The following ZNF638 variants were observed in gnomAD, a reference collection of about 807,000 sequenced individuals.
ZNF638 encodes CTCL tumor antigen se33-1.
In ZNF638, 46 loss-of-function variants were observed where a neutral mutation model predicts 195.6. The observed-to-expected ratio is 0.24, with a 90% CI of 0.19 to 0.30. The LOEUF (loss-of-function observed/expected upper bound fraction) is 0.30. Among genes scored for constraint, ZNF638 ranks in the 10% least tolerant of loss-of-function variants. The pLI, the probability that ZNF638 is intolerant of heterozygous loss-of-function variation, is 1.00. For missense variants in ZNF638, 2,440 were observed against 2,325.3 expected (o/e 1.05, Z -1.01); for synonymous variants, 845 against 772.0 (o/e 1.09, Z -1.57).
At chr2:71,350,923 T>C (rs1018496129) in intron 2 of ZNF638, among the ~76,000 whole-genome samples, 4 of 152,142 alleles carry the variant, frequency 2.6e-5, no homozygotes, top group Admixed American at 1.3e-4. Flanking sequence ...AAAGATGATT[T>C]AGGTAGTTTG....
At chr2:71,361,151 C>CA (rs761311267) in intron 3 of ZNF638, among the ~76,000 whole-genome samples, 2 of 152,098 alleles carry the variant, frequency 1.3e-5, no homozygotes, top group Non-Finnish European at 2.9e-5. Context: ...TTGGTAGAGA[C>CA]AGGGTTGCCA....
At chr2:71,369,322 C>CA (rs34506232) in intron 7 of ZNF638, among the ~76,000 whole-genome samples, 5,334 of 98,928 alleles carry the variant, frequency 0.054, 583 homozygotes, top group East Asian at 0.53. Flanking sequence ...GGCTCCGTCT[C>CA]AAAAAAAAAA....
At chr2:71,363,231 T>TCTTTTAAAATTAACTGTTTA in intron 4 of ZNF638, 40 bp downstream of exon 4, 1 of 1,418,112 alleles carries the variant, frequency 7.1e-7, no homozygotes. Context: ...AACCTGATTG[T>TCTTTTAAAATTAACTGTTTA]CTTTTAAAAG....
intron 10 of ZNF638, among the ~76,000 whole-genome samples, chr2:71,383,577 TTTTTC>T (rs2079573441): frequency 6.8e-6 from 1 of 146,172 alleles, no homozygotes; most frequent in South Asian, 2.2e-4. Context: ...TTTTTTTTTT[TTTTTC>T]TTCTTTTATT....
chr2:71,408,660 C>T (rs1274156357), intron 20 of ZNF638: 2 of 363,348 alleles, frequency 5.5e-6, no homozygotes, highest in African/African-American at 4.4e-5. Context: ...TAAGATTTCA[C>T]AGGTTCTTGG....
intron 1 of ZNF638, among the ~76,000 whole-genome samples, chr2:71,334,230 CA>C (rs921800711): frequency 1.8e-4 from 27 of 152,166 alleles, no homozygotes; most frequent in Non-Finnish European, 3.4e-4. Flanking sequence ...ATGCTCTTTC[CA>C]CTGTACCTTA....
chr2:71,405,392 TA>T (rs1168338811), intron 17 of ZNF638, among the ~76,000 whole-genome samples: 1 of 152,220 alleles, frequency 6.6e-6, no homozygotes, highest in African/African-American at 2.4e-5. Context: ...CTTAGGGGAA[TA>T]AGAAGAATTA....
At chr2:71,429,305 AC>A (rs2080606782) in intron 25 of ZNF638, among the ~76,000 whole-genome samples, 1 of 152,118 alleles carries the variant, frequency 6.6e-6, no homozygotes, top group African/African-American at 2.4e-5. Flanking sequence ...AGGAAAACTT[AC>A]CAAGTATGAT....
chr2:71,341,640 A>G (rs1438860045), intron 1 of ZNF638: 2 of 152,222 alleles, frequency 1.3e-5, no homozygotes, highest in South Asian at 2.1e-4. Context: ...GGTTAATGCT[A>G]CTTAATTGCA....
At chr2:71,360,622 A>AT (rs368045252) in intron 3 of ZNF638, among the ~76,000 whole-genome samples, 22 of 149,568 alleles carry the variant, frequency 1.5e-4, no homozygotes, top group East Asian at 5.9e-4. Flanking sequence ...TGTGGTGTTG[A>AT]TTTTTTCCTT....
At chr2:71,396,639 A>G (rs1406399820) in intron 11 of ZNF638, among the ~76,000 whole-genome samples, 1 of 152,184 alleles carries the variant, frequency 6.6e-6, no homozygotes, top group Non-Finnish European at 1.5e-5. Flanking sequence ...GTGGATAGAA[A>G]TCAATGTATT....
intron 1 of ZNF638, chr2:71,332,707 G>C (rs1402309130): frequency 6.6e-6 from 1 of 152,180 alleles, no homozygotes; most frequent in East Asian, 1.9e-4. Context: ...GTTTGAAATA[G>C]ATCTTTTGTT....
At chr2:71,332,481 G>A (rs761702936) in intron 1 of ZNF638, among the ~76,000 whole-genome samples, 4 of 152,204 alleles carry the variant, frequency 2.6e-5, no homozygotes, top group South Asian at 2.1e-4. Flanking sequence ...GGTGTTCTGT[G>A]CTGCGTAGTG....
At chr2:71,364,691 G>C (rs1385088107) in intron 5 of ZNF638, among the ~76,000 whole-genome samples, 2 of 152,142 alleles carry the variant, frequency 1.3e-5, no homozygotes, top group Non-Finnish European at 2.9e-5. Context: ...CACTCCCACT[G>C]TTTCACTTGA....
At position 71,379,347 on chromosome 2, in the gene ZNF638, A is replaced by T. The variant is rs147361885; in HGVS notation, c.2266-875A>T. Among the ~76,000 whole-genome samples, 215 of 152,318 alleles carry T rather than the reference A, an allele frequency of 1.4e-3. 2 individuals carry two copies. Among genetic ancestry groups the T allele is most frequent in the African/African-American group, 4.7e-3 (194 of 41,572 alleles). ...ATGTTTTAAACTGTGCCCTGTTCTG[A>T]GTTAGCATGATGAAATTTCATGCAG... is the stretch of plus-strand genomic sequence containing the variant. On this transcript the variant is annotated intron_variant, in intron 8 of 27. Transcript: ENST00000264447.
chr2:71,355,714 A>G lies in ZNF638; in HGVS notation c.1318-5A>G. ...AATTTCAACACTTTTCTCCTTTTACAATAGGATTGGATTCAGCATCAAAAT... is the reference window on the plus strand; with the variant it reads ...AATTTCAACACTTTTCTCCTTTTACGATAGGATTGGATTCAGCATCAAAAT... On this transcript the variant is annotated splice_polypyrimidine_tract_variant and splice_region_variant and intron_variant, in intron 2 of 27. Transcript: ENST00000264447. 1 of 1,579,572 alleles carries G rather than the reference A, an allele frequency of 6.3e-7. No individual in the cohort carries two copies. Among genetic ancestry groups the G allele is most frequent in the South Asian group, 1.2e-5 (1 of 85,592 alleles).
chr2:71,411,303 G>A (rs2080217102), intron 20 of ZNF638, among the ~76,000 whole-genome samples: 1 of 151,198 alleles, frequency 6.6e-6, no homozygotes, highest in South Asian at 2.1e-4. Context: ...TGGCCCCAGG[G>A]AAGTTTTTCT....
At chr2:71,373,299 ATT>A (rs2079350020) in intron 8 of ZNF638, among the ~76,000 whole-genome samples, 1 of 73,914 alleles carries the variant, frequency 1.4e-5, no homozygotes, top group South Asian at 3.4e-4. Flanking sequence ...TTCCTATTTT[ATT>A]ATTGTTGTCT....
chr2:71,396,532 G>A (rs574506268), intron 11 of ZNF638, among the ~76,000 whole-genome samples: 1 of 152,222 alleles, frequency 6.6e-6, no homozygotes, highest in South Asian at 2.1e-4. Flanking sequence ...GGGATTTTAG[G>A]TAATTATTAA....
Sources: allele counts gnomAD v4.1 joint callset (sites outside exome capture counted in the v4.1 genomes callset), GRCh38; gene constraint gnomAD v4.1.1; transcripts MANE v1.5; gene names NCBI Gene and HGNC (gene_info 2026-07-23, HGNC 2026-07-21).